The following PDE4D variants were observed in gnomAD, a reference collection of about 807,000 sequenced individuals.
The protein encoded by PDE4D is phosphodiesterase 4D.
In PDE4D, 24 loss-of-function variants were observed where a neutral mutation model predicts 87.4. That is an observed-to-expected ratio of 0.27 (90% CI 0.20 to 0.39). PDE4D has a LOEUF of 0.39. Ranked by LOEUF, PDE4D falls within the 10% of genes least tolerant of loss-of-function variation. The pLI is 1.00. For missense variants in PDE4D, 714 were observed against 1,041.0 expected, an observed-to-expected ratio of 0.69 and a Z score of 4.32; for synonymous variants, 384 against 383.2, an observed-to-expected ratio of 1.00 and a Z score of -0.02.
intron 1 of PDE4D, among the ~76,000 whole-genome samples, chr5:60,518,124 C>G (rs1465259469): frequency 6.6e-6 from 1 of 152,212 alleles, no homozygotes; most frequent in Non-Finnish European, 1.5e-5. Context: ...GCACTTGTGT[C>G]GGCATCTGGA....
At chr5:59,547,255 A>G (rs564424234) in intron 1 of PDE4D, among the ~76,000 whole-genome samples, 1 of 152,284 alleles carries the variant, frequency 6.6e-6, no homozygotes, top group East Asian at 1.9e-4. Context: ...AATTTGTAAC[A>G]TTATCTGTGA....
chr5:59,464,827 C>T (rs980354255), intron 1 of PDE4D, among the ~76,000 whole-genome samples: 10 of 152,236 alleles, frequency 6.6e-5, no homozygotes, highest in South Asian at 2.1e-4. Flanking sequence ...AAAACATCTA[C>T]GTATTTGCTA....
intron 3 of PDE4D, among the ~76,000 whole-genome samples, chr5:59,192,728 T>C (rs771112614): frequency 6.6e-5 from 10 of 152,226 alleles, no homozygotes; most frequent in Non-Finnish European, 1.5e-4. Context: ...TTTTATCTCA[T>C]TCCGCCCTTA....
intron 1 of PDE4D, among the ~76,000 whole-genome samples, chr5:59,477,367 A>T (rs1237806310): frequency 7.1e-6 from 1 of 140,110 alleles, no homozygotes; most frequent in Non-Finnish European, 1.6e-5. Flanking sequence ...AAAAAAAAAA[A>T]AAAAAAATTA....
chr5:59,906,042 G>A lies in PDE4D; in HGVS notation c.272+82446C>T, dbSNP rs959916351. Among the ~76,000 whole-genome samples, 4 of 152,214 alleles carry A rather than the reference G, an allele frequency of 2.6e-5. No individual in the cohort carries two copies. In the Middle Eastern group the frequency reaches 0.01, roughly 388 times the overall value. On this transcript the variant is annotated intron_variant, in intron 3 of 16. Coordinates refer to the PDE4D transcript ENST00000502484. ...AGGGAGAAAACAGATGTTTACTGGA[G>A]GGCCTACTATGTCAGATGCTGCTGC...
At chr5:59,705,761 T>C (rs1419334716) in intron 1 of PDE4D, among the ~76,000 whole-genome samples, 1 of 152,208 alleles carries the variant, frequency 6.6e-6, no homozygotes, top group Non-Finnish European at 1.5e-5. Context: ...ATGGTATTTA[T>C]TCTTCCCAAT....
chr5:59,024,459 A>C (rs768958757), intron 6 of PDE4D, among the ~76,000 whole-genome samples: 2 of 152,078 alleles, frequency 1.3e-5, no homozygotes, highest in Non-Finnish European at 2.9e-5. Context: ...TGCCTCCCAA[A>C]GTGCTGGGAT....
At chr5:60,474,499 A>T (rs1748156240) in intron 1 of PDE4D, among the ~76,000 whole-genome samples, 1 of 152,108 alleles carries the variant, frequency 6.6e-6, no homozygotes, top group Non-Finnish European at 1.5e-5. Context: ...CTTATACTGG[A>T]AATTTCATTG....
At chr5:59,349,409 TC>T (rs1260606079) in intron 1 of PDE4D, among the ~76,000 whole-genome samples, 3 of 152,068 alleles carry the variant, frequency 2.0e-5, no homozygotes, top group Admixed American at 6.6e-5. Context: ...ATTGAATGCT[TC>T]CTCTTTTGTA....
chr5:59,285,212 T>TAAAA (rs35238877), intron 1 of PDE4D, among the ~76,000 whole-genome samples: 25 of 134,624 alleles, frequency 1.9e-4, no homozygotes, highest in Non-Finnish European at 2.9e-4. Flanking sequence ...TAAAGTATAA[T>TAAAA]AAAAAAAAAA....
rs1554095477 is a variant in PDE4D at position 59,836,642 on chromosome 5, C to CTATCTATCTATCTATCTATCTATCTATA, written c.455+56525_455+56526insTATAGATAGATAGATAGATAGATAGATA. Reference sequence around the variant, plus strand: ...TGTATCTATCTATCTATCTATCTATCTATCTATCTATCTATCATCTATCTA... The same window carrying CTATCTATCTATCTATCTATCTATCTATA: ...TGTATCTATCTATCTATCTATCTATCTATCTATCTATCTATCTATCTATCTATATATCTATCTATCTATCATCTATCTA... On this transcript the variant is annotated intron_variant, in intron 1 of 14. Coordinates refer to ENST00000340635, the MANE Select transcript of PDE4D (RefSeq NM_001104631.2). Among the ~76,000 whole-genome samples, 366 of 148,964 alleles carry CTATCTATCTATCTATCTATCTATCTATA rather than the reference C, an allele frequency of 2.5e-3. 2 individuals carry two copies. Among genetic ancestry groups the CTATCTATCTATCTATCTATCTATCTATA allele is most frequent in the African/African-American group, 8.2e-3 (328 of 40,234 alleles).
rs192077704 is a variant in PDE4D, at chr5:59,062,124, A to C, written c.809-23153T>G. Among the ~76,000 whole-genome samples, 830 of 152,284 alleles carry C rather than the reference A, an allele frequency of 5.5e-3. 8 individuals are homozygous for C. The highest frequency in any genetic ancestry group is 7.1e-3 in the Non-Finnish European group (485 of 68,012). ...TCAAAACCTGGAATCGGCTGATCAG[A>C]AGAAGAAAAACAGTATAAAAATACA... On this transcript the variant is annotated intron_variant, in intron 5 of 14. Coordinates refer to ENST00000340635, the MANE Select transcript of PDE4D (RefSeq NM_001104631.2).
intron 1 of PDE4D, among the ~76,000 whole-genome samples, chr5:59,482,354 T>C (rs1053131654): frequency 1.3e-5 from 2 of 152,178 alleles, no homozygotes; most frequent in African/African-American, 4.8e-5. Context: ...TTTAAAAGAA[T>C]GTAAGGGCAA....
At chr5:59,646,974 G>A (rs1392427233) in intron 1 of PDE4D, among the ~76,000 whole-genome samples, 1 of 152,144 alleles carries the variant, frequency 6.6e-6, no homozygotes, top group African/African-American at 2.4e-5. Context: ...GGTGGAGGTT[G>A]CAGTGAGCCG....
intron 2 of PDE4D, among the ~76,000 whole-genome samples, chr5:60,026,323 A>G (rs1227696154): frequency 6.6e-6 from 1 of 152,154 alleles, no homozygotes; most frequent in Non-Finnish European, 1.5e-5. Flanking sequence ...CCAATGACTC[A>G]GCAGTAAGAT....
intron 2 of PDE4D, among the ~76,000 whole-genome samples, chr5:60,129,098 T>C (rs1041691904): frequency 1.3e-5 from 2 of 152,250 alleles, no homozygotes; most frequent in African/African-American, 4.8e-5. Flanking sequence ...AATGTAGTTC[T>C]CTCAAATTGA....
At chr5:60,455,145 T>G (rs1239786463) in intron 1 of PDE4D, among the ~76,000 whole-genome samples, 1 of 152,184 alleles carries the variant, frequency 6.6e-6, no homozygotes, top group African/African-American at 2.4e-5. Flanking sequence ...ATTTTTTGCA[T>G]GTCAACAAAT....
chr5:59,072,766 C>T (rs1425670466), intron 5 of PDE4D, among the ~76,000 whole-genome samples: 1 of 152,148 alleles, frequency 6.6e-6, no homozygotes, highest in African/African-American at 2.4e-5. Flanking sequence ...TATAGATCTT[C>T]TTTGTGAGTA....
intron 2 of PDE4D, among the ~76,000 whole-genome samples, chr5:60,048,722 T>A (rs1192672432): frequency 2.6e-5 from 4 of 152,120 alleles, no homozygotes; most frequent in Non-Finnish European, 4.4e-5. Context: ...GTAGAGTTTC[T>A]GCTGAGAGAT....
Sources: gnomAD v4.1 joint callset for allele counts (sites outside exome capture counted in the v4.1 genomes callset) on GRCh38, gnomAD v4.1.1 for gene constraint, MANE v1.5 for transcripts, NCBI Gene and HGNC (gene_info 2026-07-23, HGNC 2026-07-21) for gene names.